LRFN5: variants seen among roughly 807,000 people sequenced by gnomAD.
The protein encoded by LRFN5 is leucine rich repeat and fibronectin type III domain containing 5, also known as leucine-rich repeat and fibronectin type-III domain-containing protein 5.
In LRFN5, 24 loss-of-function variants were observed where a neutral mutation model predicts 45.6. That is an observed-to-expected ratio of 0.53 (90% CI 0.38 to 0.74). The LOEUF is 0.74. Ranked by LOEUF, LRFN5 falls within the 30% of genes least tolerant of loss-of-function variation. The pLI, the probability that LRFN5 is intolerant of heterozygous loss-of-function variation, is 0.00. For synonymous variants in LRFN5, 340 were observed against 313.8 expected, an observed-to-expected ratio of 1.08 and a Z score of -0.88; for missense variants, 776 against 861.5, an observed-to-expected ratio of 0.90 and a Z score of 1.24.
intron 4 of LRFN5, among the ~76,000 whole-genome samples, chr14:41,895,184 T>C (rs1267356824): frequency 6.6e-6 from 1 of 152,180 alleles, no homozygotes; most frequent in African/African-American, 2.4e-5. Flanking sequence ...AATATAAAAT[T>C]ATTATTACAG....
chr14:41,793,253 G>A (rs1021916101), intron 2 of LRFN5, among the ~76,000 whole-genome samples: 4 of 151,930 alleles, frequency 2.6e-5, no homozygotes, highest in Admixed American at 2.0e-4. Flanking sequence ...CCCTCCGTTC[G>A]GGGTCCCTGA....
chr14:41,674,277 C>T (rs1446369754), intron 1 of LRFN5, among the ~76,000 whole-genome samples: 2 of 125,982 alleles, frequency 1.6e-5, no homozygotes, highest in African/African-American at 3.1e-5. Context: ...TAGGGGCGGC[C>T]GGGCAGAGGC....
At chr14:41,724,932 A>G (rs968165468) in intron 1 of LRFN5, among the ~76,000 whole-genome samples, 10 of 152,256 alleles carry the variant, frequency 6.6e-5, no homozygotes, top group African/African-American at 2.2e-4. Flanking sequence ...TTGAAGGACT[A>G]TATTCCCTTA....
At chr14:41,867,742 C>A (rs1594479425) in intron 2 of LRFN5, among the ~76,000 whole-genome samples, 1 of 152,046 alleles carries the variant, frequency 6.6e-6, no homozygotes, top group Non-Finnish European at 1.5e-5. Flanking sequence ...CTCATTCAGA[C>A]TTTTTATTTT....
intron 2 of LRFN5, among the ~76,000 whole-genome samples, chr14:41,842,137 T>G (rs578023074): frequency 3.3e-5 from 5 of 152,176 alleles, no homozygotes; most frequent in African/African-American, 1.2e-4. Flanking sequence ...GTTTTTGGCT[T>G]TTCCAGGCTT....
At chr14:41,612,651 T>G (rs1442584978) in intron 1 of LRFN5, among the ~76,000 whole-genome samples, 4 of 152,104 alleles carry the variant, frequency 2.6e-5, no homozygotes, top group Admixed American at 2.6e-4. Context: ...AGAGCCCACA[T>G]TTTTATTCCC....
intron 2 of LRFN5, among the ~76,000 whole-genome samples, chr14:41,870,751 C>G (rs1173138165): frequency 6.6e-6 from 1 of 152,056 alleles, no homozygotes; most frequent in Non-Finnish European, 1.5e-5. Context: ...CCTTTTTTTA[C>G]TGACATTTAA....
chr14:41,729,326 C>T (rs1884070317), intron 1 of LRFN5, among the ~76,000 whole-genome samples: 1 of 152,008 alleles, frequency 6.6e-6, no homozygotes. Flanking sequence ...CCATTCTTGC[C>T]ATATGACATC....
chr14:41,725,328 A>G (rs1038344604), intron 1 of LRFN5, among the ~76,000 whole-genome samples: 3 of 152,198 alleles, frequency 2.0e-5, no homozygotes, highest in Non-Finnish European at 4.4e-5. Flanking sequence ...TTTCTGCTTC[A>G]CATTTGCTTG....
Position 41,750,333 on chromosome 14 carries a change from A to G in LRFN5, c.-196-16521A>G, listed in dbSNP as rs535712952. Among the ~76,000 whole-genome samples the G allele has an allele frequency of 2.7e-5, 4 of 149,660 alleles. 1 individual carries two copies. Among genetic ancestry groups the G allele is most frequent in the African/African-American group, 9.7e-5 (4 of 41,094 alleles). On this transcript the variant is annotated intron_variant, in intron 1 of 5. Coordinates refer to ENST00000298119, the MANE Select transcript of LRFN5 (RefSeq NM_152447.5). ...TATGTATATAAGATTTCATGTATAT[A>G]TATTTCTATATAGAGAGAGAGATAA...
intron 2 of LRFN5, among the ~76,000 whole-genome samples, chr14:41,872,348 A>G (rs566022143): frequency 6.6e-6 from 1 of 152,346 alleles, no homozygotes; most frequent in South Asian, 2.1e-4. Context: ...CTATAGACAT[A>G]TAGACTTGAA....
chr14:41,724,021 T>C (rs1206928972), intron 1 of LRFN5, among the ~76,000 whole-genome samples: 1 of 152,150 alleles, frequency 6.6e-6, no homozygotes, highest in Non-Finnish European at 1.5e-5. Flanking sequence ...AAACAAAATG[T>C]TCTCCCTTGG....
At chr14:41,691,400 C>G (rs1233125053) in intron 1 of LRFN5, among the ~76,000 whole-genome samples, 1 of 151,984 alleles carries the variant, frequency 6.6e-6, no homozygotes, top group Admixed American at 6.6e-5. Flanking sequence ...TTTTAGTTGT[C>G]TGTTATTATT....
intron 2 of LRFN5, among the ~76,000 whole-genome samples, chr14:41,826,366 C>A (rs948997980): frequency 4.6e-5 from 7 of 152,206 alleles, no homozygotes; most frequent in African/African-American, 1.7e-4. Context: ...CAAATGTCAT[C>A]TATGCCTTTC....
At chr14:41,707,938 T>C (rs1883134024) in intron 1 of LRFN5, among the ~76,000 whole-genome samples, 1 of 152,088 alleles carries the variant, frequency 6.6e-6, no homozygotes, top group African/African-American at 2.4e-5. Context: ...TTAAAAGATG[T>C]TCAAAAACTA....
At chr14:41,873,529 C>T (rs530954715) in intron 2 of LRFN5, among the ~76,000 whole-genome samples, 2 of 151,950 alleles carry the variant, frequency 1.3e-5, no homozygotes, top group African/African-American at 2.4e-5. Context: ...GGAGTACTGC[C>T]GGAACTTTCC....
chr14:41,841,106 A>G (rs1888844311), intron 2 of LRFN5, among the ~76,000 whole-genome samples: 1 of 151,908 alleles, frequency 6.6e-6, no homozygotes, highest in Non-Finnish European at 1.5e-5. Flanking sequence ...CTTCTACAAT[A>G]GCAATCATTT....
intron 1 of LRFN5, among the ~76,000 whole-genome samples, chr14:41,674,805 AG>A (rs1277758865): frequency 7.3e-5 from 11 of 149,962 alleles, no homozygotes; most frequent in Middle Eastern, 3.6e-3. Context: ...CACTTCTCAG[AG>A]GGGGCGGCTG....
intron 4 of LRFN5, among the ~76,000 whole-genome samples, chr14:41,896,852 G>A (rs1890955861): frequency 6.6e-6 from 1 of 151,922 alleles, no homozygotes; most frequent in Admixed American, 6.6e-5. Context: ...CAGCACTTTG[G>A]GATGCCAAGG....
Sources: allele counts gnomAD v4.1 joint callset (sites outside exome capture counted in the v4.1 genomes callset), GRCh38; gene constraint gnomAD v4.1.1; transcripts MANE v1.5; gene names NCBI Gene and HGNC (gene_info 2026-07-23, HGNC 2026-07-21).